CDH12: variants seen among roughly 807,000 people sequenced by gnomAD.
CDH12 encodes the protein cadherin-12.
CDH12 carries 41 observed loss-of-function variants against 74.1 expected under a neutral mutation model. That is an observed-to-expected ratio of 0.55 (90% CI 0.43 to 0.72). The LOEUF (loss-of-function observed/expected upper bound fraction) is 0.72. CDH12 is among the 30% of genes least tolerant of loss of function. The probability of loss-of-function intolerance (pLI) is 0.00; values close to 1 mark genes in which losing one functional copy is unlikely to be tolerated. For synonymous variants in CDH12, 399 were observed against 355.0 expected (o/e 1.12, Z -1.39); for missense variants, 945 against 977.2 (o/e 0.97, Z 0.44).
intron 4 of CDH12, among the ~76,000 whole-genome samples, chr5:22,122,108 TA>T (rs1190001272): frequency 6.6e-6 from 1 of 152,028 alleles, no homozygotes; most frequent in Non-Finnish European, 1.5e-5. Context: ...AGCCATATAT[TA>T]AAACTCATTT....
chr5:22,460,763 C>A (rs1477707151), intron 2 of CDH12, among the ~76,000 whole-genome samples: 1 of 130,256 alleles, frequency 7.7e-6, no homozygotes, highest in Non-Finnish European at 1.6e-5. Context: ...TCTTGTCCCC[C>A]AGGATGGAGC....
chr5:22,835,996 G>A (rs1736799867), intron 1 of CDH12, among the ~76,000 whole-genome samples: 1 of 152,122 alleles, frequency 6.6e-6, no homozygotes, highest in Non-Finnish European at 1.5e-5. Context: ...CCCAGAGAGA[G>A]AGCAGCTGAG....
chr5:22,777,327 A>T (rs908202745), intron 1 of CDH12, among the ~76,000 whole-genome samples: 1 of 152,160 alleles, frequency 6.6e-6, no homozygotes, highest in Admixed American at 6.6e-5. Context: ...GGTGTTATTC[A>T]GTTGATACAT....
chr5:21,985,687 T>C (rs906617813), intron 5 of CDH12, among the ~76,000 whole-genome samples: 1 of 152,284 alleles, frequency 6.6e-6, no homozygotes, highest in East Asian at 1.9e-4. Flanking sequence ...AAACTACTTT[T>C]GCTAGATTCT....
At chr5:22,152,509 GA>G (rs1747662960) in intron 4 of CDH12, among the ~76,000 whole-genome samples, 2 of 151,672 alleles carry the variant, frequency 1.3e-5, no homozygotes, top group Non-Finnish European at 3.0e-5. Context: ...AAAATTGGCA[GA>G]TAAAATTTTA....
intron 4 of CDH12, among the ~76,000 whole-genome samples, chr5:22,121,388 C>A (rs1220247512): frequency 6.6e-6 from 1 of 152,188 alleles, no homozygotes; most frequent in Non-Finnish European, 1.5e-5. Context: ...CTACCCAGCA[C>A]CGACTTGGGC....
intron 1 of CDH12, among the ~76,000 whole-genome samples, chr5:22,565,392 T>G (rs867159481): frequency 2.6e-5 from 4 of 152,318 alleles, no homozygotes; most frequent in Middle Eastern, 3.4e-3. Context: ...TTTTCTCCTA[T>G]AGCAGACATT....
At chr5:22,467,028 G>A (rs558665944) in intron 2 of CDH12, among the ~76,000 whole-genome samples, 3 of 151,632 alleles carry the variant, frequency 2.0e-5, no homozygotes, top group Admixed American at 1.3e-4. Context: ...CTCGTGATCC[G>A]CCCACCTCGG....
chr5:21,816,966 C>T lies in CDH12; in HGVS notation c.981G>A (p.Glu327=). The T allele has an allele frequency of 6.2e-7, 1 of 1,609,804 alleles. No individual in the cohort carries two copies. The highest frequency in any genetic ancestry group is 8.5e-7 in the Non-Finnish European group (1 of 1,177,592). ...ATACCTTTTTCAATTTGATGACTCCCTCTTGTGTATCCTCATCTGTGACGA... is the reference window on the plus strand; with the variant it reads ...ATACCTTTTTCAATTTGATGACTCCTTCTTGTGTATCCTCATCTGTGACGA... ...FDIVTDEDTQ[E]GVIKLKKPLD... is the part of the protein sequence containing the mutation. Residue 327 remains glutamate (E), a synonymous_variant, in exon 9 of 15, where the codon GAG becomes GAA. Coordinates refer to ENST00000382254, the MANE Select transcript of CDH12 (RefSeq NM_004061.5).
intron 5 of CDH12, among the ~76,000 whole-genome samples, chr5:22,021,585 G>A (rs146500789): frequency 6.6e-6 from 1 of 152,136 alleles, no homozygotes; most frequent in African/African-American, 2.4e-5. Flanking sequence ...CTTACTCTGA[G>A]TACTCGTACA....
intron 3 of CDH12, among the ~76,000 whole-genome samples, chr5:22,376,294 G>A (rs968746455): frequency 2.0e-5 from 3 of 152,088 alleles, no homozygotes; most frequent in Admixed American, 1.3e-4. Context: ...AAGATGCTGT[G>A]AAGGGTTTGT....
chr5:21,883,328 G>T, intron 6 of CDH12: 1 of 1,518,762 alleles, frequency 6.6e-7, no homozygotes, highest in Non-Finnish European at 9.1e-7. Context: ...ATGTTCTGTT[G>T]AGTGAAAAGA....
chr5:22,684,409 C>G (rs140636772), intron 1 of CDH12, among the ~76,000 whole-genome samples: 323 of 152,242 alleles, frequency 2.1e-3, no homozygotes, highest in African/African-American at 7.0e-3. Flanking sequence ...TAAAAAGCAG[C>G]TTCTGACTAA....
chr5:21,987,245 G>A (rs192791886), intron 5 of CDH12, among the ~76,000 whole-genome samples: 255 of 152,024 alleles, frequency 1.7e-3, no homozygotes, highest in African/African-American at 5.8e-3. Flanking sequence ...ATTTCAAAAA[G>A]AAAAGCTAAA....
At chr5:22,147,882 A>G (rs2150306017) in intron 4 of CDH12, among the ~76,000 whole-genome samples, 1 of 152,228 alleles carries the variant, frequency 6.6e-6, no homozygotes, top group South Asian at 2.1e-4. Flanking sequence ...TTGGGTGGGG[A>G]CACAGCCAAG....
At chr5:22,848,946 AT>A (rs1341859239) in intron 1 of CDH12, among the ~76,000 whole-genome samples, 1 of 151,502 alleles carries the variant, frequency 6.6e-6, no homozygotes, top group Non-Finnish European at 1.5e-5. Flanking sequence ...TTTAGGATAT[AT>A]TGTGCTTCTT....
intron 1 of CDH12, among the ~76,000 whole-genome samples, chr5:22,674,431 G>A (rs1741062404): frequency 6.6e-6 from 1 of 152,186 alleles, no homozygotes; most frequent in African/African-American, 2.4e-5. Flanking sequence ...GGAACGGTAA[G>A]TCCATTAAAC....
At chr5:22,253,228 A>G (rs557242631) in intron 3 of CDH12, among the ~76,000 whole-genome samples, 2 of 152,082 alleles carry the variant, frequency 1.3e-5, no homozygotes, top group South Asian at 2.1e-4. Flanking sequence ...ATAATAATAC[A>G]TATTTAGAAC....
intron 2 of CDH12, among the ~76,000 whole-genome samples, chr5:22,495,539 G>A (rs917504630): frequency 6.6e-6 from 1 of 152,094 alleles, no homozygotes; most frequent in African/African-American, 2.4e-5. Context: ...TTGCTATGGT[G>A]TATGAAACAT....
Sources: gnomAD v4.1 joint callset for allele counts (sites outside exome capture counted in the v4.1 genomes callset) on GRCh38, gnomAD v4.1.1 for gene constraint, MANE v1.5 for transcripts, NCBI Gene and HGNC (gene_info 2026-07-23, HGNC 2026-07-21) for gene names.